Variants in STPG2 observed in about 807,000 individuals in gnomAD.
STPG2 encodes the protein sperm-tail PG-rich repeat-containing protein 2.
STPG2 carries 56 observed loss-of-function variants against 54.2 expected under a neutral mutation model. That is an observed-to-expected ratio of 1.03 (90% CI 0.83 to 1.29). The LOEUF is 1.29. STPG2 is among the 50% of genes most tolerant of loss of function. The pLI is 0.00. For missense variants in STPG2, 596 were observed against 544.9 expected (o/e 1.09, Z -0.93); for synonymous variants, 200 against 181.8 (o/e 1.10, Z -0.81).
intron 10 of STPG2, among the ~76,000 whole-genome samples, chr4:97,604,017 T>A (rs1560681448): frequency 6.6e-6 from 1 of 151,754 alleles, no homozygotes; most frequent in Non-Finnish European, 1.5e-5. Context: ...AAGTGAAAAT[T>A]AATCTTAAAA....
At chr4:97,938,953 T>C (rs893910040) in intron 8 of STPG2, among the ~76,000 whole-genome samples, 1 of 152,256 alleles carries the variant, frequency 6.6e-6, no homozygotes, top group Non-Finnish European at 1.5e-5. Context: ...TTCAGTACTA[T>C]GAATTTTCCT....
In STPG2 at chr4:97,660,790, G is replaced by T. The variant is rs565780041; in HGVS notation, c.1320+51909C>A. ...CAGTTTTATAGACAACGAAATGCAG[G>T]CTCCAAAAGGTTAAATAAATTGCCT... On this transcript the variant is annotated intron_variant, in intron 10 of 10. Coordinates refer to ENST00000295268, the MANE Select transcript of STPG2 (RefSeq NM_174952.3). Among the ~76,000 whole-genome samples the T allele has an allele frequency of 1.5e-3, 232 of 152,204 alleles. 1 individual carries two copies. Among genetic ancestry groups the T allele is most frequent in the African/African-American group, 5.4e-3 (223 of 41,538 alleles).
At chr4:97,663,501 AT>A (rs1179604052) in intron 10 of STPG2, among the ~76,000 whole-genome samples, 2 of 152,058 alleles carry the variant, frequency 1.3e-5, no homozygotes, top group African/African-American at 4.8e-5. Context: ...AAAAAAGTAA[AT>A]TTTTCTTGCT....
At chr4:97,692,933 T>C (rs1269774943) in intron 10 of STPG2, among the ~76,000 whole-genome samples, 1 of 152,168 alleles carries the variant, frequency 6.6e-6, no homozygotes, top group African/African-American at 2.4e-5. Flanking sequence ...AAGAATTTTG[T>C]ATCCAGTGAA....
intron 10 of STPG2, among the ~76,000 whole-genome samples, chr4:97,629,545 T>C (rs1199043416): frequency 1.2e-4 from 18 of 151,954 alleles, no homozygotes; most frequent in Admixed American, 1.2e-3. Flanking sequence ...ATGACAGGGC[T>C]CATATTACGT....
chr4:98,132,676 T>G (rs1489061537), intron 2 of STPG2, among the ~76,000 whole-genome samples: 3 of 152,018 alleles, frequency 2.0e-5, no homozygotes, highest in Non-Finnish European at 4.4e-5. Flanking sequence ...TTGATAAATA[T>G]TAATCATTAT....
chr4:97,672,384 G>A (rs1332176290), intron 10 of STPG2, among the ~76,000 whole-genome samples: 2 of 151,912 alleles, frequency 1.3e-5, no homozygotes, highest in Admixed American at 6.6e-5. Flanking sequence ...CTCCAAGTTA[G>A]TCAGGCTGGT....
At chr4:97,619,140 TC>T in intron 10 of STPG2, among the ~76,000 whole-genome samples, 1 of 152,262 alleles carries the variant, frequency 6.6e-6, no homozygotes, top group African/African-American at 2.4e-5. Flanking sequence ...CTGAAGATCA[TC>T]TGAAAAGCTG....
intron 7 of STPG2, among the ~76,000 whole-genome samples, chr4:97,963,344 T>G (rs1733962583): frequency 6.6e-6 from 1 of 151,856 alleles, no homozygotes; most frequent in African/African-American, 2.4e-5. Flanking sequence ...GTTAATAAAT[T>G]TAATATTATG....
chr4:98,025,766 G>A (rs150075072), intron 5 of STPG2: 18 of 1,567,966 alleles, frequency 1.1e-5, no homozygotes, highest in African/African-American at 5.4e-5. Flanking sequence ...GGTGACTGGC[G>A]ATGAATACAA....
intron 4 of STPG2, among the ~76,000 whole-genome samples, chr4:97,529,377 G>A (rs753887844): frequency 3.3e-5 from 5 of 152,066 alleles, no homozygotes; most frequent in African/African-American, 4.8e-5. Context: ...TGCTGGATTC[G>A]TTTTGCCAGT....
chr4:97,520,775 T>G (rs886985944), intron 4 of STPG2, among the ~76,000 whole-genome samples: 5 of 152,028 alleles, frequency 3.3e-5, no homozygotes, highest in Non-Finnish European at 5.9e-5. Flanking sequence ...ACACAAATAT[T>G]GTTTCTCTTT....
intron 5 of STPG2, among the ~76,000 whole-genome samples, chr4:98,023,357 T>C (rs1045308474): frequency 2.6e-5 from 4 of 152,128 alleles, no homozygotes; most frequent in Admixed American, 2.6e-4. Flanking sequence ...CGGATTTTCG[T>C]GAACCGCAAA....
chr4:98,119,992 G>A (rs1350196339), intron 3 of STPG2, among the ~76,000 whole-genome samples: 1 of 152,044 alleles, frequency 6.6e-6, no homozygotes, highest in Non-Finnish European at 1.5e-5. Flanking sequence ...TCTTTATCCA[G>A]TCTATCATTG....
At chr4:97,605,820 A>G (rs913935059) in intron 10 of STPG2, among the ~76,000 whole-genome samples, 18 of 127,410 alleles carry the variant, frequency 1.4e-4, no homozygotes, top group Non-Finnish European at 2.6e-4. Flanking sequence ...CAAAAAAAAG[A>G]AAAAAAAAAT....
chr4:97,576,329 C>A (rs1174839262), intron 10 of STPG2, among the ~76,000 whole-genome samples: 1 of 145,392 alleles, frequency 6.9e-6, no homozygotes, highest in Non-Finnish European at 1.5e-5. Context: ...CAAAACAGAA[C>A]AAAGTTAGAG....
chr4:97,917,653 T>C (rs1731934487), intron 8 of STPG2, among the ~76,000 whole-genome samples: 1 of 152,254 alleles, frequency 6.6e-6, no homozygotes, highest in East Asian at 1.9e-4. Context: ...GGTAAAAATA[T>C]ATCTTAAAAG....
At chr4:98,009,212 G>A (rs1299393534) in intron 5 of STPG2, among the ~76,000 whole-genome samples, 4 of 151,160 alleles carry the variant, frequency 2.6e-5, no homozygotes, top group Admixed American at 2.6e-4. Flanking sequence ...TGATGTAGGC[G>A]TTTATTGCTA....
intron 5 of STPG2, among the ~76,000 whole-genome samples, chr4:98,094,172 G>A (rs1477891674): frequency 6.6e-6 from 1 of 152,146 alleles, no homozygotes; most frequent in African/African-American, 2.4e-5. Flanking sequence ...TAAAGAGAGT[G>A]AAGAGTAAAG....
Sources: allele counts gnomAD v4.1 joint callset (sites outside exome capture counted in the v4.1 genomes callset), GRCh38; gene constraint gnomAD v4.1.1; transcripts MANE v1.5; gene names NCBI Gene and HGNC (gene_info 2026-07-23, HGNC 2026-07-21).